Variants in CCDC138 observed in about 807,000 individuals in gnomAD.
CCDC138 encodes coiled-coil domain containing 138, also known as coiled-coil domain-containing protein 138.
A neutral mutation model predicts 82.3 loss-of-function variants in CCDC138; 66 were observed. That is an observed-to-expected ratio of 0.80 (90% CI 0.66 to 0.98). The LOEUF is 0.98. Ranked by LOEUF, CCDC138 falls within the 50% of genes least tolerant of loss-of-function variation. The probability of loss-of-function intolerance (pLI) is 0.00; values close to 1 mark genes in which losing one functional copy is unlikely to be tolerated. For synonymous variants in CCDC138, 297 were observed against 265.4 expected, an observed-to-expected ratio of 1.12 and a Z score of -1.16; for missense variants, 816 against 758.9, an observed-to-expected ratio of 1.08 and a Z score of -0.88.
intron 5 of CCDC138, among the ~76,000 whole-genome samples, chr2:108,797,045 T>A (rs988691893): frequency 3.3e-5 from 5 of 152,198 alleles, no homozygotes; most frequent in Non-Finnish European, 2.9e-5. Flanking sequence ...GGATGTTAAG[T>A]AGGCTGTTTG....
chr2:108,856,218 GGCCTGGGTAAAATCTTGCTGCCATTC>G (rs1692575302), intron 12 of CCDC138, among the ~76,000 whole-genome samples: 1 of 152,144 alleles, frequency 6.6e-6, no homozygotes, highest in Non-Finnish European at 1.5e-5. Context: ...TCACAGCACT[GGCCTGGGTAAAATCTTGCTGCCATTC>G]TTAATGGCAG....
Position 108,812,812 on chromosome 2 carries a change from T to C in CCDC138, c.934-8T>C. On this transcript the variant is annotated splice_polypyrimidine_tract_variant and splice_region_variant and intron_variant, in intron 8 of 14. Coordinates refer to ENST00000295124, the MANE Select transcript of CCDC138 (RefSeq NM_144978.3). ...TGTTCTTTAATTCACGCATATATAC[T>C]GTTGCAGAGGAAGTACGAGTTTATG... is the stretch of plus-strand genomic sequence containing the variant. 2.5e-6 allele frequency: 4 copies of C among 1,612,584 alleles called. No individual in the cohort carries two copies. The highest frequency in any genetic ancestry group is 3.4e-6 in the Non-Finnish European group (4 of 1,179,036).
chr2:108,794,673 G>A lies in CCDC138; in HGVS notation c.528G>A (p.Gln176=). The part of the protein sequence containing the change: ...ASDKRSLLPH[Q]ISQIYDELFQ... ...ACAAGCGGAGTTTACTTCCACATCA[G>A]ATCAGTCAGATATATGACGAATTAT... is the stretch of plus-strand genomic sequence containing the variant. Residue 176 remains glutamine (Q), a synonymous_variant, in exon 5 of 15, where the codon CAG becomes CAA. Coordinates refer to ENST00000295124, the MANE Select transcript of CCDC138 (RefSeq NM_144978.3). 6.2e-7 allele frequency: 1 copy of A among 1,614,008 alleles called. No homozygotes were observed. Among genetic ancestry groups the A allele is most frequent in the East Asian group, 2.2e-5 (1 of 44,862 alleles).
intron 7 of CCDC138, among the ~76,000 whole-genome samples, chr2:108,811,262 T>TTTTTTTG (rs1683821654): frequency 6.9e-6 from 1 of 145,952 alleles, no homozygotes; most frequent in African/African-American, 2.5e-5. Flanking sequence ...TTTTTTTTTT[T>TTTTTTTG]GACTGTCTCC....
At chr2:108,792,557 C>T (rs976085063) in intron 4 of CCDC138, among the ~76,000 whole-genome samples, 4 of 152,158 alleles carry the variant, frequency 2.6e-5, no homozygotes, top group African/African-American at 4.8e-5. Flanking sequence ...ATTGGTGAGT[C>T]GGGAACCTAG....
chr2:108,867,976 A>G (rs1694681961), intron 13 of CCDC138, among the ~76,000 whole-genome samples: 1 of 152,244 alleles, frequency 6.6e-6, no homozygotes, highest in South Asian at 2.1e-4. Flanking sequence ...AAAGATTAAA[A>G]TAGCTCTTAT....
chr2:108,793,163 C>T (rs1490190261), intron 4 of CCDC138, among the ~76,000 whole-genome samples: 1 of 151,476 alleles, frequency 6.6e-6, no homozygotes, highest in Non-Finnish European at 1.5e-5. Context: ...CCAGACCATC[C>T]TGGCTAACAC....
chr2:108,791,630 T>G lies in CCDC138; in HGVS notation c.267-45T>G, dbSNP rs777949803. On this transcript the variant is annotated intron_variant, in intron 3 of 14. Coordinates refer to ENST00000295124, the MANE Select transcript of CCDC138 (RefSeq NM_144978.3). ...AAGCAGTTTTATCTTTTTAAAGTGC[T>G]ATAGTAAACTTCTAGATTGCTGTGA... is the stretch of plus-strand genomic sequence containing the variant. 3 of 1,580,118 alleles carry G rather than the reference T, an allele frequency of 1.9e-6. No individual in the cohort carries two copies. The South Asian group carries it at 3.4e-5, about 18-fold the overall frequency.
At chr2:108,819,039 A>G (rs977429020) in intron 10 of CCDC138, among the ~76,000 whole-genome samples, 2 of 152,250 alleles carry the variant, frequency 1.3e-5, no homozygotes, top group Non-Finnish European at 2.9e-5. Context: ...ACTATGTGTT[A>G]CAAGTAAAGA....
At chr2:108,816,497 G>C (rs1684835048) in intron 10 of CCDC138, among the ~76,000 whole-genome samples, 1 of 152,068 alleles carries the variant, frequency 6.6e-6, no homozygotes, top group Non-Finnish European at 1.5e-5. Context: ...CTCTGATGAG[G>C]CCCTTCTTCC....
At chr2:108,855,746 T>C (rs1692488570) in intron 12 of CCDC138, among the ~76,000 whole-genome samples, 1 of 152,186 alleles carries the variant, frequency 6.6e-6, no homozygotes, top group South Asian at 2.1e-4. Context: ...TATTCTAAAC[T>C]TCTCATTCTT....
intron 4 of CCDC138, 127 bp from the exon 5 acceptor site, chr2:108,794,411 CTT>C: frequency 2.4e-6 from 2 of 843,886 alleles, no homozygotes; most frequent in Non-Finnish European, 3.4e-6. Flanking sequence ...CTATATTTTT[CTT>C]TGTCTCTCTT....
intron 10 of CCDC138, among the ~76,000 whole-genome samples, chr2:108,828,787 G>T (rs896748702): frequency 6.6e-6 from 1 of 152,072 alleles, no homozygotes; most frequent in Non-Finnish European, 1.5e-5. Flanking sequence ...GACCAGCCTG[G>T]CCAACATAGT....
intron 13 of CCDC138, among the ~76,000 whole-genome samples, chr2:108,861,555 A>G (rs1459572484): frequency 1.4e-5 from 2 of 143,078 alleles, no homozygotes; most frequent in Non-Finnish European, 3.0e-5. Context: ...ATCTTGGCTC[A>G]CTGCAACCTC....
intron 10 of CCDC138, among the ~76,000 whole-genome samples, chr2:108,831,746 T>TTCCTTCCTTC (rs370860500): frequency 7.2e-6 from 1 of 139,574 alleles, no homozygotes; most frequent in African/African-American, 2.5e-5. Context: ...CCGTCCTTCC[T>TTCCTTCCTTC]GTTGAAACGA....
In CCDC138 at chr2:108,872,463, C is replaced by T. The variant is rs189757203; in HGVS notation, c.1694-988C>T. On this transcript the variant is annotated intron_variant, in intron 13 of 14. Coordinates refer to ENST00000295124, the MANE Select transcript of CCDC138 (RefSeq NM_144978.3). Reference sequence around the variant, plus strand: ...ATAGTTATATGCAAAAGGCACATAACCATTGTCTCCAGTGCTCCATTCCTA... The same window carrying T: ...ATAGTTATATGCAAAAGGCACATAATCATTGTCTCCAGTGCTCCATTCCTA... 7.9e-5 allele frequency among the ~76,000 whole-genome samples: 12 copies of T among 152,268 alleles called. No homozygotes were observed. The East Asian group carries it at 2.3e-3, about 29-fold the overall frequency.
In CCDC138 at chr2:108,798,439, A is replaced by G. The variant is rs771081313; in HGVS notation, c.588A>G (p.Ala196=). ...QIHLKLQCET[A]AQQKFAEELQ... ...GCATTTTGATACAGTGTGAAACTGC[A>G]GCACAACAGAAATTTGCTGAAGAAC... The change falls in exon 6 of 15, where the codon GCA becomes GCG. Residue 196 remains alanine (A), a synonymous_variant. Transcript: ENST00000295124. 8 of 1,612,756 alleles carry G rather than the reference A, an allele frequency of 5.0e-6. 1 individual carries two copies. The East Asian group carries it at 1.6e-4, about 31-fold the overall frequency.
At chr2:108,881,469 G>A (rs1346684939), downstream of CCDC138, among the ~76,000 whole-genome samples, 2 of 152,224 alleles carry the variant, frequency 1.3e-5, no homozygotes, top group South Asian at 4.1e-4. Flanking sequence ...TATCATTTGT[G>A]TGTTGTCTGG....
intron 13 of CCDC138, among the ~76,000 whole-genome samples, chr2:108,862,489 G>C (rs538725982): frequency 5.3e-5 from 8 of 152,046 alleles, no homozygotes; most frequent in Non-Finnish European, 4.4e-5. Flanking sequence ...GTATAATGTG[G>C]TGATTACAGT....
Sources: gnomAD v4.1 joint callset for allele counts (sites outside exome capture counted in the v4.1 genomes callset) on GRCh38, gnomAD v4.1.1 for gene constraint, MANE v1.5 for transcripts, NCBI Gene and HGNC (gene_info 2026-07-23, HGNC 2026-07-21) for gene names.